The following TRIM2 variants were observed in gnomAD, a reference collection of about 807,000 sequenced individuals.
TRIM2 encodes the protein tripartite motif containing 2, also known as tripartite motif-containing protein 2.
In TRIM2, 20 loss-of-function variants were observed where a neutral mutation model predicts 75.2. The observed-to-expected ratio is 0.27, with a 90% CI of 0.19 to 0.39. TRIM2 has a LOEUF of 0.39. Among genes scored for constraint, TRIM2 ranks in the 10% least tolerant of loss-of-function variants. TRIM2 has a pLI of 1.00. For missense variants in TRIM2, 660 were observed against 990.8 expected, an observed-to-expected ratio of 0.67 and a Z score of 4.48; for synonymous variants, 373 against 388.3, an observed-to-expected ratio of 0.96 and a Z score of 0.46.
intron 6 of TRIM2, among the ~76,000 whole-genome samples, chr4:153,313,428 C>T (rs951354305): frequency 1.3e-5 from 2 of 151,988 alleles, no homozygotes; most frequent in Admixed American, 1.3e-4. Context: ...GATGATTCTG[C>T]CCAGCAATTT....
chr4:153,227,371 C>T (rs763799713), intron 1 of TRIM2, among the ~76,000 whole-genome samples: 1 of 152,130 alleles, frequency 6.6e-6, no homozygotes, highest in Non-Finnish European at 1.5e-5. Context: ...AGAAACACTG[C>T]TTGAGAGTGA....
chr4:153,315,891 G>A lies in TRIM2; in HGVS notation c.1674G>A (p.Gly558=). 2.5e-6 allele frequency: 4 copies of A among 1,614,154 alleles called. No individual in the cohort carries two copies. The highest frequency in any genetic ancestry group is 3.4e-6 in the Non-Finnish European group (4 of 1,180,014). ...TTGGCATACGGGGACGCTCTCCGGG[G>A]CAGCTGCAGCGGCCCACAGGAGTGG... ...SRFGIRGRSP[G]QLQRPTGVAV... Residue 558 remains glycine, a synonymous_variant, in exon 8 of 12, where the codon GGG becomes GGA. Coordinates refer to ENST00000338700, the MANE Select transcript of TRIM2 (RefSeq NM_015271.5).
At chr4:153,190,193 A>G (rs1008065617) in intron 1 of TRIM2, among the ~76,000 whole-genome samples, 3 of 151,970 alleles carry the variant, frequency 2.0e-5, no homozygotes, top group Non-Finnish European at 4.4e-5. Context: ...TTTTTCTGCT[A>G]GAAAGGAAGT....
At chr4:153,324,720 T>C (rs140382626) in intron 10 of TRIM2, among the ~76,000 whole-genome samples, 51 of 152,222 alleles carry the variant, frequency 3.4e-4, no homozygotes, top group African/African-American at 1.1e-3. Context: ...AATCAGGAAA[T>C]AATAAAATGG....
chr4:153,278,940 G>A (rs1758630652), intron 3 of TRIM2, among the ~76,000 whole-genome samples: 1 of 152,224 alleles, frequency 6.6e-6, no homozygotes, highest in Admixed American at 6.5e-5. Flanking sequence ...GTGGGACACA[G>A]GTGGGCCTGA....
chr4:153,274,978 G>A (rs930769908), intron 2 of TRIM2, among the ~76,000 whole-genome samples: 3 of 152,190 alleles, frequency 2.0e-5, no homozygotes, highest in Non-Finnish European at 2.9e-5. Flanking sequence ...TAAGGGGAAT[G>A]GGGCTAGGTT....
chr4:153,159,639 A>T (rs536524753), intron 1 of TRIM2, among the ~76,000 whole-genome samples: 2 of 151,922 alleles, frequency 1.3e-5, no homozygotes, highest in Non-Finnish European at 2.9e-5. Context: ...CTCTGCTTAG[A>T]TTTTTTTTCT....
intron 1 of TRIM2, among the ~76,000 whole-genome samples, chr4:153,263,106 G>A (rs555253052): frequency 9.1e-4 from 138 of 152,296 alleles, no homozygotes; most frequent in African/African-American, 3.1e-3. Flanking sequence ...TGAAGCGAGA[G>A]GATCACTTGA....
chr4:153,274,775 G>A (rs1757649268), intron 2 of TRIM2, among the ~76,000 whole-genome samples: 1 of 152,172 alleles, frequency 6.6e-6, no homozygotes, highest in Non-Finnish European at 1.5e-5. Flanking sequence ...GGTGAGCAGA[G>A]CAATAATCAA....
intron 2 of TRIM2, among the ~76,000 whole-genome samples, chr4:153,271,667 G>C (rs1213906542): frequency 6.6e-6 from 1 of 151,908 alleles, no homozygotes; most frequent in East Asian, 1.9e-4. Context: ...TTATACTTTG[G>C]CTTAAGTGCT....
At chr4:153,193,468 A>G (rs1269716269) in intron 1 of TRIM2, among the ~76,000 whole-genome samples, 1 of 152,166 alleles carries the variant, frequency 6.6e-6, no homozygotes, top group East Asian at 1.9e-4. Context: ...TATGAATGCA[A>G]GTAGAATTCT....
intron 1 of TRIM2, among the ~76,000 whole-genome samples, chr4:153,168,488 C>T (rs1359367417): frequency 6.6e-6 from 1 of 151,960 alleles, no homozygotes; most frequent in African/African-American, 2.4e-5. Context: ...CAAAGATAGG[C>T]AGTGACCAAA....
intron 6 of TRIM2, among the ~76,000 whole-genome samples, chr4:153,303,063 G>A (rs1214270451): frequency 1.3e-5 from 2 of 152,158 alleles, no homozygotes; most frequent in Non-Finnish European, 1.5e-5. Context: ...ACATTCACAC[G>A]CATGGGACTA....
chr4:153,273,270 C>CATTTTTTTTTTTTTTTTTTTTTTTTT (rs1757187818), intron 2 of TRIM2, among the ~76,000 whole-genome samples: 1 of 57,390 alleles, frequency 1.7e-5, no homozygotes, highest in African/African-American at 7.0e-5. Flanking sequence ...TACAGTCACT[C>CATTTTTTTTTTTTTTTTTTTTTTTTT]TTTTTTTTTT....
chr4:153,294,051 A>G (rs562154417), intron 4 of TRIM2, among the ~76,000 whole-genome samples: 1 of 152,302 alleles, frequency 6.6e-6, no homozygotes, highest in South Asian at 2.1e-4. Flanking sequence ...CTTCAAGTCT[A>G]TACACTTAAT....
At chr4:153,232,877 T>G (rs1744026964) in intron 1 of TRIM2, among the ~76,000 whole-genome samples, 1 of 152,072 alleles carries the variant, frequency 6.6e-6, no homozygotes, top group African/African-American at 2.4e-5. Flanking sequence ...GCCACTCCAG[T>G]GAGAGTGGCT....
chr4:153,154,850 CCCA>C (rs1377291423), intron 1 of TRIM2, among the ~76,000 whole-genome samples: 7 of 152,216 alleles, frequency 4.6e-5, no homozygotes, highest in African/African-American at 1.7e-4. Flanking sequence ...TTAAATTTGC[CCCA>C]AATTGGCCAG....
In TRIM2 at chr4:153,219,817, G is replaced by A. The variant is rs78818214; in HGVS notation, c.30+15257G>A. On this transcript the variant is annotated intron_variant, in intron 1 of 11. Transcript: ENST00000338700. ...TGGGAGGCAGAGGTTGCAGTGAGCCGAGGTTGTGCCACTGCACCCTAGCTT... is the reference window on the plus strand; with the variant it reads ...TGGGAGGCAGAGGTTGCAGTGAGCCAAGGTTGTGCCACTGCACCCTAGCTT... Among the ~76,000 whole-genome samples, 1,112 of 152,294 alleles carry A rather than the reference G, an allele frequency of 7.3e-3. 7 individuals carry two copies. Among genetic ancestry groups the A allele is most frequent in the Non-Finnish European group, 0.012 (824 of 68,022 alleles).
Position 153,276,068 on chromosome 4 carries a change from C to T in TRIM2, c.391C>T (p.Leu131=). The T allele has an allele frequency of 6.2e-7, 1 of 1,614,244 alleles. No individual in the cohort carries two copies. ...CAGCAACGCTGAGGAGTCTTCCATCCTGGAGACAGTCACTGCTGTGGCTGC... is the reference window on the plus strand; with the variant it reads ...CAGCAACGCTGAGGAGTCTTCCATCTTGGAGACAGTCACTGCTGTGGCTGC... ...PGSNAEESSI[L]ETVTAVAAGK... Residue 131 remains leucine, a synonymous_variant, in exon 3 of 12, where the codon CTG becomes TTG. Transcript: ENST00000338700.
Sources: allele counts gnomAD v4.1 joint callset (sites outside exome capture counted in the v4.1 genomes callset), GRCh38; gene constraint gnomAD v4.1.1; transcripts MANE v1.5; gene names NCBI Gene and HGNC (gene_info 2026-07-23, HGNC 2026-07-21).